The following ZNF804B variants were observed in gnomAD, a reference collection of about 807,000 sequenced individuals.
ZNF804B encodes zinc finger protein 804B.
ZNF804B carries 80 observed loss-of-function variants against 101.4 expected under a neutral mutation model. That is an observed-to-expected ratio of 0.79 (90% confidence interval 0.66 to 0.95). The LOEUF (loss-of-function observed/expected upper bound fraction) is 0.95. ZNF804B is among the 40% of genes least tolerant of loss of function. The pLI is 0.00. For synonymous variants in ZNF804B, 622 were observed against 558.8 expected, an observed-to-expected ratio of 1.11 and a Z score of -1.59; for missense variants, 1,673 against 1,561.9, an observed-to-expected ratio of 1.07 and a Z score of -1.20.
At position 89,334,757 on chromosome 7, in the gene ZNF804B, C is replaced by T. The variant is rs112703755; in HGVS notation, c.1775C>T (p.Ala592Val). 3 of 1,613,710 alleles carry T rather than the reference C, an allele frequency of 1.9e-6. No homozygotes were observed. In the South Asian group the frequency reaches 3.3e-5, roughly 18 times the overall value. Residue 592 changes from alanine to valine, a missense_variant, in exon 4 of 4, where the codon GCT becomes GTT. Ala to Val is a moderately conservative substitution (Grantham distance 64). Coordinates refer to ENST00000333190, the MANE Select transcript of ZNF804B (RefSeq NM_181646.5). The part of the protein sequence containing the change: ...LYLNTSLKDC[A>V]GKNNSSENKL... ...CTCAACACATCTCTAAAGGATTGTG[C>T]TGGAAAGAATAATAGTAGTGAGAAC...
chr7:89,330,948 A>G (rs979427154), intron 3 of ZNF804B, among the ~76,000 whole-genome samples: 4 of 151,092 alleles, frequency 2.6e-5, no homozygotes, highest in Admixed American at 6.6e-5. Context: ...AAGCAAGAAA[A>G]TGAATAAAAC....
At chr7:89,275,548 G>C (rs1279055118) in intron 2 of ZNF804B, among the ~76,000 whole-genome samples, 1 of 151,860 alleles carries the variant, frequency 6.6e-6, no homozygotes, top group African/African-American at 2.4e-5. Context: ...TCTTGCACTT[G>C]TAGTTCTCTT....
chr7:89,071,780 G>C (rs1331912088), intron 1 of ZNF804B, among the ~76,000 whole-genome samples: 1 of 109,708 alleles, frequency 9.1e-6, no homozygotes, highest in Non-Finnish European at 1.7e-5. Flanking sequence ...ACACACAAAT[G>C]TACACACACA....
intron 2 of ZNF804B, among the ~76,000 whole-genome samples, chr7:89,261,269 G>T (rs1485532418): frequency 6.6e-6 from 1 of 152,054 alleles, no homozygotes; most frequent in Non-Finnish European, 1.5e-5. Flanking sequence ...TTAACTTTTT[G>T]TAATAGACTT....
chr7:88,905,366 G>GT lies in ZNF804B; in HGVS notation c.108+145292dup, dbSNP rs910800763. On this transcript the variant is annotated intron_variant, in intron 1 of 3. Coordinates refer to ENST00000333190, the MANE Select transcript of ZNF804B (RefSeq NM_181646.5). The stretch of plus-strand genomic sequence containing the variant: ...ACAGTATGCTAGTTTTTTGTTTTTT[G>GT]TTTTTTTTTTAGATGGAGTCTCACT... 9.7e-4 allele frequency among the ~76,000 whole-genome samples: 142 copies of GT among 146,332 alleles called. 1 individual carries two copies. The highest frequency in any genetic ancestry group is 2.7e-3 in the African/African-American group (107 of 39,994).
chr7:89,180,597 C>T (rs1202688391), intron 1 of ZNF804B, among the ~76,000 whole-genome samples: 2 of 151,894 alleles, frequency 1.3e-5, no homozygotes, highest in Admixed American at 6.6e-5. Flanking sequence ...GGTTTCAGGA[C>T]TCTGCTTGGT....
In ZNF804B at chr7:88,857,690, A is replaced by G. The variant is rs556550602; in HGVS notation, c.108+97606A>G. On this transcript the variant is annotated intron_variant, in intron 1 of 3. Coordinates refer to ENST00000333190, the MANE Select transcript of ZNF804B (RefSeq NM_181646.5). ...GCCTCATTCTACCAGAGGTACAAGGAGGAGCTGGTACCATAACTGCTGAAA... is the reference window on the plus strand; with the variant it reads ...GCCTCATTCTACCAGAGGTACAAGGGGGAGCTGGTACCATAACTGCTGAAA... Among the ~76,000 whole-genome samples the G allele has an allele frequency of 8.8e-4, 134 of 152,264 alleles. 2 individuals are homozygous for G. Among genetic ancestry groups the G allele is most frequent in the Middle Eastern group, 3.4e-3 (1 of 294 alleles).
At chr7:88,849,564 A>G (rs1188036717) in intron 1 of ZNF804B, among the ~76,000 whole-genome samples, 2 of 151,570 alleles carry the variant, frequency 1.3e-5, no homozygotes, top group Admixed American at 1.3e-4. Context: ...CAGTGGCATG[A>G]TTTTGGCTCA....
At chr7:89,269,523 T>C (rs940269473) in intron 2 of ZNF804B, among the ~76,000 whole-genome samples, 2 of 152,178 alleles carry the variant, frequency 1.3e-5, no homozygotes, top group African/African-American at 4.8e-5. Flanking sequence ...ACAGTAAACA[T>C]ATATGTGCAT....
intron 2 of ZNF804B, among the ~76,000 whole-genome samples, chr7:89,319,445 T>G (rs1043215449): frequency 6.6e-6 from 1 of 152,102 alleles, no homozygotes; most frequent in Non-Finnish European, 1.5e-5. Context: ...TATGGGCAAC[T>G]GAAAACCCCT....
chr7:88,872,146 T>A (rs1791836918), intron 1 of ZNF804B, among the ~76,000 whole-genome samples: 1 of 152,194 alleles, frequency 6.6e-6, no homozygotes, highest in Admixed American at 6.5e-5. Flanking sequence ...AACTGGAAAT[T>A]TTGTGTATCT....
At chr7:89,154,526 G>A (rs1254786895) in intron 1 of ZNF804B, among the ~76,000 whole-genome samples, 1 of 152,090 alleles carries the variant, frequency 6.6e-6, no homozygotes, top group African/African-American at 2.4e-5. Flanking sequence ...GTACTATTCA[G>A]CCATAAAAAA....
intron 1 of ZNF804B, among the ~76,000 whole-genome samples, chr7:88,944,224 T>A (rs1793094562): frequency 6.6e-6 from 1 of 151,742 alleles, no homozygotes; most frequent in Non-Finnish European, 1.5e-5. Context: ...CAGTAGTCTG[T>A]GAGAGTTTAG....
At chr7:89,205,901 C>G (rs918735292) in intron 1 of ZNF804B, among the ~76,000 whole-genome samples, 1 of 152,190 alleles carries the variant, frequency 6.6e-6, no homozygotes, top group Non-Finnish European at 1.5e-5. Context: ...CAGAGGTTCT[C>G]CACAAGGCCC....
At chr7:89,168,846 T>G (rs1394358000) in intron 1 of ZNF804B, among the ~76,000 whole-genome samples, 1 of 152,140 alleles carries the variant, frequency 6.6e-6, no homozygotes, top group Non-Finnish European at 1.5e-5. Flanking sequence ...GAAGCTATAT[T>G]GTTACAGGCC....
Position 88,881,438 on chromosome 7 carries a change from A to G in ZNF804B, c.108+121354A>G, listed in dbSNP as rs147970169. On this transcript the variant is annotated intron_variant, in intron 1 of 3. Transcript: ENST00000333190. ...TTTGTTAGAATTTAAATTTAGCCCA[A>G]TTCTTTAAATAAGAATGCAGAGATT... is the stretch of plus-strand genomic sequence containing the variant. Among the ~76,000 whole-genome samples the G allele has an allele frequency of 2.0e-3, 300 of 152,252 alleles. 1 individual carries two copies. The highest frequency in any genetic ancestry group is 7.0e-3 in the African/African-American group (290 of 41,564).
At chr7:89,317,729 A>G (rs1460007364) in intron 2 of ZNF804B, among the ~76,000 whole-genome samples, 1 of 152,248 alleles carries the variant, frequency 6.6e-6, no homozygotes, top group Non-Finnish European at 1.5e-5. Context: ...AGTCTCATCC[A>G]GTCTTTACTG....
At chr7:88,888,507 TATCC>T (rs1360611811) in intron 1 of ZNF804B, among the ~76,000 whole-genome samples, 1 of 152,154 alleles carries the variant, frequency 6.6e-6, no homozygotes, top group African/African-American at 2.4e-5. Flanking sequence ...ACAGACACCG[TATCC>T]ATAATTTAGC....
At chr7:89,279,909 TAA>T (rs1272149562) in intron 2 of ZNF804B, among the ~76,000 whole-genome samples, 1 of 152,130 alleles carries the variant, frequency 6.6e-6, no homozygotes. Flanking sequence ...CAAGCAGACC[TAA>T]TAGACATCTA....
Sources: allele counts gnomAD v4.1 joint callset (sites outside exome capture counted in the v4.1 genomes callset), GRCh38; gene constraint gnomAD v4.1.1; transcripts MANE v1.5; gene names NCBI Gene and HGNC (gene_info 2026-07-23, HGNC 2026-07-21).